The following DDAH1 variants were observed in gnomAD, a reference collection of about 807,000 sequenced individuals.
DDAH1 encodes the protein dimethylarginine dimethylaminohydrolase 1, also known as N(G),N(G)-dimethylarginine dimethylaminohydrolase 1.
A neutral mutation model predicts 28.8 loss-of-function variants in DDAH1; 19 were observed. The ratio of observed to expected loss-of-function variants is 0.66; its 90% CI spans 0.46 to 0.97. The LOEUF is 0.97. DDAH1 is among the 50% of genes least tolerant of loss of function. The pLI, the probability that DDAH1 is intolerant of heterozygous loss-of-function variation, is 0.00. For missense variants in DDAH1, 326 were observed against 375.9 expected (o/e 0.87, Z 1.10); for synonymous variants, 153 against 154.4 (o/e 0.99, Z 0.07).
intron 1 of DDAH1, among the ~76,000 whole-genome samples, chr1:85,448,557 T>C (rs551967682): frequency 6.6e-6 from 1 of 152,306 alleles, no homozygotes; most frequent in South Asian, 2.1e-4. Context: ...AGCGGTGTCT[T>C]AATCTGAAGA....
intron 1 of DDAH1, among the ~76,000 whole-genome samples, chr1:85,519,648 A>C (rs1428001341): frequency 2.0e-5 from 3 of 152,218 alleles, no homozygotes; most frequent in Admixed American, 2.0e-4. Context: ...TGCTAAAAAC[A>C]ATCTTAAACT....
rs927518281 is a variant in DDAH1, at chr1:85,395,915, G to C, written c.304-37068C>G. ...TCTTTTCTTATTAAAAAAATTGTGAGACTTTTTAGGTATGTGGCCTAGAAA... is the reference window on the plus strand; with the variant it reads ...TCTTTTCTTATTAAAAAAATTGTGACACTTTTTAGGTATGTGGCCTAGAAA... On this transcript the variant is annotated intron_variant, in intron 1 of 5. Coordinates refer to ENST00000284031, the MANE Select transcript of DDAH1 (RefSeq NM_012137.4). Among the ~76,000 whole-genome samples the C allele has an allele frequency of 2.0e-5, 3 of 151,996 alleles. No individual in the cohort carries two copies. In the East Asian group the frequency reaches 5.8e-4, roughly 29 times the overall value.
intron 4 of DDAH1, among the ~76,000 whole-genome samples, chr1:85,334,863 G>T (rs1391666938): frequency 6.6e-6 from 1 of 152,122 alleles, no homozygotes; most frequent in Non-Finnish European, 1.5e-5. Flanking sequence ...CAGTCCAGAA[G>T]AAAATGGGAT....
At chr1:85,394,853 C>G (rs757850452) in intron 1 of DDAH1, among the ~76,000 whole-genome samples, 1 of 152,072 alleles carries the variant, frequency 6.6e-6, no homozygotes, top group Non-Finnish European at 1.5e-5. Context: ...GAAATGTCAG[C>G]CATTTCCAAG....
chr1:85,455,519 T>G (rs916047933), intron 1 of DDAH1, among the ~76,000 whole-genome samples: 1 of 152,296 alleles, frequency 6.6e-6, no homozygotes, highest in East Asian at 1.9e-4. Flanking sequence ...AAACTAACAG[T>G]TCAGCATCAG....
chr1:85,474,993 G>GT (rs2100708104), intron 2 of DDAH1, among the ~76,000 whole-genome samples: 1 of 152,196 alleles, frequency 6.6e-6, no homozygotes, highest in South Asian at 2.1e-4. Context: ...AAAAATGAGG[G>GT]TAGTAATATC....
At chr1:85,331,112 T>C (rs1280556409) in intron 4 of DDAH1, among the ~76,000 whole-genome samples, 1 of 152,194 alleles carries the variant, frequency 6.6e-6, no homozygotes, top group Non-Finnish European at 1.5e-5. Context: ...CTGTCTGGCT[T>C]TCAGCCCAAG....
chr1:85,494,324 G>A (rs1285200377), intron 2 of DDAH1: 1 of 152,158 alleles, frequency 6.6e-6, no homozygotes, highest in Non-Finnish European at 1.5e-5. Context: ...AATGAATTCA[G>A]CTAATGGATT....
intron 5 of DDAH1, among the ~76,000 whole-genome samples, chr1:85,324,098 C>G (rs1343647099): frequency 6.6e-6 from 1 of 151,438 alleles, no homozygotes; most frequent in East Asian, 1.9e-4. Flanking sequence ...AATGAAACCC[C>G]ATCTCTATTA....
chr1:85,471,470 T>C (rs1378254462), intron 2 of DDAH1, among the ~76,000 whole-genome samples: 1 of 152,256 alleles, frequency 6.6e-6, no homozygotes, highest in Non-Finnish European at 1.5e-5. Context: ...TATATGTGTA[T>C]ATGTGTGCAC....
In DDAH1 at chr1:85,464,818, G is replaced by C; in HGVS notation, c.228C>G (p.Phe76Leu). ...CGCACACCACGGCCACGTCCTCCAC[G>C]AAGACGCAGTCCGGAAGGCTCTCGT... is the stretch of plus-strand genomic sequence containing the variant. ...PADESLPDCV[F>L]VEDVAVVCEE... Residue 76 changes from phenylalanine (F) to leucine (L), a missense_variant, in exon 1 of 6, where the codon TTC becomes TTG. Phe to Leu is a conservative substitution (Grantham distance 22). Transcript: ENST00000284031. This position sits in a 1 kb window ranked among gnomAD's most constrained non-coding sequence, Gnocchi z 4.4. 2 of 1,587,896 alleles carry C rather than the reference G, an allele frequency of 1.3e-6. No homozygotes were observed. Among genetic ancestry groups the C allele is most frequent in the East Asian group, 2.3e-5 (1 of 42,660 alleles).
intron 1 of DDAH1, among the ~76,000 whole-genome samples, chr1:85,454,240 A>C (rs1654787078): frequency 6.6e-6 from 1 of 152,222 alleles, no homozygotes; most frequent in African/African-American, 2.4e-5. Flanking sequence ...GGAAAGGTAG[A>C]ATCAGCTTCT....
chr1:85,446,021 G>T (rs1162404860), intron 1 of DDAH1, among the ~76,000 whole-genome samples: 1 of 152,164 alleles, frequency 6.6e-6, no homozygotes, highest in Non-Finnish European at 1.5e-5. Flanking sequence ...ATCAGGAACA[G>T]CCAGACACTT....
intron 1 of DDAH1, among the ~76,000 whole-genome samples, chr1:85,537,663 CT>C (rs1415792432): frequency 1.3e-5 from 2 of 148,402 alleles, no homozygotes; most frequent in Non-Finnish European, 3.0e-5. Context: ...ACTAAGTTTT[CT>C]AACTAATTTC....
chr1:85,340,324 G>T (rs928538592), intron 4 of DDAH1, among the ~76,000 whole-genome samples: 1 of 152,194 alleles, frequency 6.6e-6, no homozygotes, highest in African/African-American at 2.4e-5. Flanking sequence ...TTGATGGTCT[G>T]TTCCTTTGTG....
intron 2 of DDAH1, among the ~76,000 whole-genome samples, chr1:85,353,149 G>A (rs1649312270): frequency 6.6e-6 from 1 of 152,058 alleles, no homozygotes; most frequent in Non-Finnish European, 1.5e-5. Context: ...CTGAAATTCA[G>A]CAGTTTTTCT....
chr1:85,375,862 G>A (rs992083921), intron 1 of DDAH1, among the ~76,000 whole-genome samples: 1 of 151,990 alleles, frequency 6.6e-6, no homozygotes. Context: ...TAAAGAAAAA[G>A]GTCAGGATCC....
chr1:85,437,262 C>T (rs1317984108), intron 1 of DDAH1, among the ~76,000 whole-genome samples: 1 of 152,182 alleles, frequency 6.6e-6, no homozygotes, highest in Non-Finnish European at 1.5e-5. Context: ...CCTGTGGAGC[C>T]TCACTGTGCC....
intron 2 of DDAH1, among the ~76,000 whole-genome samples, chr1:85,357,922 C>T (rs1649574191): frequency 6.6e-6 from 1 of 152,132 alleles, no homozygotes; most frequent in Admixed American, 6.5e-5. Flanking sequence ...CCAGTAAGAT[C>T]AATAATAATA....
Sources: allele counts gnomAD v4.1 joint callset (sites outside exome capture counted in the v4.1 genomes callset), GRCh38; gene constraint gnomAD v4.1.1; non-coding constraint Gnocchi (gnomAD v3.1); transcripts MANE v1.5; gene names NCBI Gene and HGNC (gene_info 2026-07-23, HGNC 2026-07-21).